UBP1: variants seen among roughly 807,000 people sequenced by gnomAD.
UBP1 encodes the protein upstream-binding protein 1.
UBP1 carries 22 observed loss-of-function variants against 76.1 expected under a neutral mutation model. The ratio of observed to expected loss-of-function variants is 0.29; its 90% CI spans 0.21 to 0.41. UBP1 has a LOEUF of 0.41. Among genes scored for constraint, UBP1 ranks in the 10% least tolerant of loss-of-function variants. The pLI is 1.00. For missense variants in UBP1, 436 were observed against 668.1 expected (o/e 0.65, Z 3.83); for synonymous variants, 224 against 237.1 (o/e 0.94, Z 0.51).
At chr3:33,397,681 A>C (rs1423034108) in intron 11 of UBP1, 1 of 152,220 alleles carries the variant, frequency 6.6e-6, no homozygotes, top group Non-Finnish European at 1.5e-5. Flanking sequence ...CAACTCTGTC[A>C]CAGCAGCTAA....
intron 1 of UBP1, among the ~76,000 whole-genome samples, chr3:33,433,365 T>TAA (rs1170395728): frequency 1.3e-4 from 15 of 113,070 alleles, no homozygotes; most frequent in Admixed American, 8.9e-4. Context: ...ACCCAGCCTT[T>TAA]AAAAAAAAAA....
rs2043611395 is a variant in UBP1, at chr3:33,388,544, A to ATAAGCACACAGCATT, written c.*1772_*1786dup. 6.6e-6 allele frequency: 1 copy of ATAAGCACACAGCATT among 152,648 alleles called. No homozygotes were observed. Among genetic ancestry groups the ATAAGCACACAGCATT allele is most frequent in the Non-Finnish European group, 1.5e-5 (1 of 68,038 alleles). 9.5% of individuals were successfully genotyped at this position (152,648 alleles called of 1,614,324 possible). On this transcript the variant is annotated 3_prime_UTR_variant, in exon 16 of 16. Coordinates refer to ENST00000283629, the MANE Select transcript of UBP1 (RefSeq NM_014517.5). ...TCTAAAACCTGATGAGGAATTCAAAATAAGCACACAGCATTAAATGACATT... is the reference window on the plus strand; with the variant it reads ...TCTAAAACCTGATGAGGAATTCAAAATAAGCACACAGCATTTAAGCACACAGCATTAAATGACATT...
chr3:33,406,852 A>C (rs765479461), intron 8 of UBP1, among the ~76,000 whole-genome samples: 5 of 152,246 alleles, frequency 3.3e-5, no homozygotes, highest in Non-Finnish European at 4.4e-5. Flanking sequence ...TATACAGCTC[A>C]GAGATGAAGA....
intron 2 of UBP1, among the ~76,000 whole-genome samples, chr3:33,421,019 T>G (rs1184628188): frequency 6.6e-6 from 1 of 152,238 alleles, no homozygotes; most frequent in Non-Finnish European, 1.5e-5. Flanking sequence ...TAGGGGCTGA[T>G]CCAGCAGTAG....
Position 33,439,911 on chromosome 3 carries a change from C to T in UBP1, c.-63G>A. On this transcript the variant is annotated 5_prime_UTR_variant, in exon 1 of 16. Transcript: ENST00000283629. The stretch of plus-strand genomic sequence containing the variant: ...CGCGTCCAGGGCGAAGGAGCCGGAG[C>T]TCCGCTGGCGCGTCCTGGGGGAGGG... 1 of 1,584,732 alleles carries T rather than the reference C, an allele frequency of 6.3e-7. No individual in the cohort carries two copies. The highest frequency in any genetic ancestry group is 1.8e-4 in the Middle Eastern group (1 of 5,618).
intron 1 of UBP1, among the ~76,000 whole-genome samples, chr3:33,435,798 A>C (rs990001915): frequency 6.6e-6 from 1 of 152,208 alleles, no homozygotes; most frequent in Non-Finnish European, 1.5e-5. Flanking sequence ...GCCCAACATC[A>C]CAAGAGAGCA....
intron 1 of UBP1, among the ~76,000 whole-genome samples, chr3:33,437,698 G>C (rs1008621410): frequency 1.3e-5 from 2 of 152,192 alleles, no homozygotes; most frequent in Admixed American, 1.3e-4. Flanking sequence ...GCCAGAGGAA[G>C]TGACTGAATG....
intron 12 of UBP1, 189 bp downstream of exon 12, chr3:33,396,856 C>T: frequency 1.4e-6 from 1 of 690,784 alleles, no homozygotes; most frequent in Non-Finnish European, 2.6e-6. Context: ...CTCATCAGTG[C>T]CTGCATCATA....
chr3:33,397,775 G>A (rs1476463139), intron 11 of UBP1: 1 of 152,040 alleles, frequency 6.6e-6, no homozygotes, highest in Admixed American at 6.6e-5. Flanking sequence ...TCATTTACAA[G>A]TGTAAATGTC....
chr3:33,396,395 T>C (rs2043997586), intron 12 of UBP1, 115 bp from the exon 13 acceptor site: 1 of 741,308 alleles, frequency 1.3e-6, no homozygotes, highest in Admixed American at 2.7e-5. Context: ...TTTATAATGT[T>C]ATTTCGTTAT....
At chr3:33,420,350 G>A (rs1187289375) in intron 2 of UBP1, among the ~76,000 whole-genome samples, 1 of 152,100 alleles carries the variant, frequency 6.6e-6, no homozygotes, top group Admixed American at 6.5e-5. Flanking sequence ...TTTTGAGACA[G>A]AGTCTCACTC....
At chr3:33,409,734 C>A in intron 5 of UBP1, 133 bp from the exon 6 acceptor site, 3 of 1,133,460 alleles carry the variant, frequency 2.6e-6, no homozygotes, top group Non-Finnish European at 3.7e-6. Flanking sequence ...CACATATTAG[C>A]CAAATTATCT....
At chr3:33,412,618 C>A in intron 4 of UBP1, 104 bp downstream of exon 4, 1 of 778,954 alleles carries the variant, frequency 1.3e-6, no homozygotes, top group Non-Finnish European at 2.1e-6. Flanking sequence ...CCACAAACAC[C>A]AAAACTTTCC....
At chr3:33,429,129 G>A (rs2045069844) in intron 1 of UBP1, among the ~76,000 whole-genome samples, 1 of 152,180 alleles carries the variant, frequency 6.6e-6, no homozygotes, top group Non-Finnish European at 1.5e-5. Flanking sequence ...CCAGCATCTA[G>A]CACAAAGGAG....
chr3:33,411,158 T>C (rs769774196), intron 5 of UBP1, among the ~76,000 whole-genome samples: 8 of 152,032 alleles, frequency 5.3e-5, no homozygotes, highest in Non-Finnish European at 1.0e-4. Flanking sequence ...GATGGTTACA[T>C]GGACAATTAG....
intron 13 of UBP1, among the ~76,000 whole-genome samples, chr3:33,395,775 AAAAAGG>A: frequency 6.9e-6 from 1 of 145,528 alleles, no homozygotes; most frequent in Non-Finnish European, 1.5e-5. Flanking sequence ...AAAAAAAAAG[AAAAAGG>A]AAAGAAAAAC....
chr3:33,439,683 G>A, intron 1 of UBP1, 53 bp downstream of exon 1: 2 of 1,583,204 alleles, frequency 1.3e-6, no homozygotes, highest in Admixed American at 1.7e-5. Context: ...TCAGGGCTGC[G>A]CAGGCCTTCC....
At chr3:33,392,677 T>G in intron 14 of UBP1, 63 bp from the exon 15 acceptor site, 1 of 1,439,112 alleles carries the variant, frequency 6.9e-7, no homozygotes, top group Non-Finnish European at 9.6e-7. Context: ...TTAAAATGAT[T>G]TTAAAACAGT....
intron 8 of UBP1, among the ~76,000 whole-genome samples, chr3:33,408,082 T>C (rs1216752296): frequency 6.6e-6 from 1 of 151,922 alleles, no homozygotes; most frequent in African/African-American, 2.4e-5. Flanking sequence ...TAATTCACAA[T>C]GCAACTGCCA....
Sources: allele counts gnomAD v4.1 joint callset (sites outside exome capture counted in the v4.1 genomes callset), GRCh38; gene constraint gnomAD v4.1.1; transcripts MANE v1.5; gene names NCBI Gene and HGNC (gene_info 2026-07-23, HGNC 2026-07-21).